The following ERCC2 variants were observed in gnomAD, a reference collection of about 807,000 sequenced individuals.
ERCC2 encodes the protein general transcription and DNA repair factor IIH helicase subunit XPD.
In ERCC2, 90 loss-of-function variants were observed where a neutral mutation model predicts 99.4. That is an observed-to-expected ratio of 0.91 (90% CI 0.76 to 1.08). The LOEUF is 1.08. ERCC2 is among the 50% of genes least tolerant of loss of function. The pLI is 0.00. For synonymous variants in ERCC2, 497 were observed against 432.4 expected, an observed-to-expected ratio of 1.15 and a Z score of -1.85; for missense variants, 993 against 1,038.1, an observed-to-expected ratio of 0.96 and a Z score of 0.60.
Position 45,350,384 on chromosome 19 carries a change from A to C in ERCC2, c.*1245T>G. The C allele has an allele frequency of 6.2e-7, 1 of 1,613,536 alleles. No homozygotes were observed. Among genetic ancestry groups the C allele is most frequent in the South Asian group, 1.1e-5 (1 of 91,050 alleles). On this transcript the variant is annotated 3_prime_UTR_variant, in exon 23 of 23. Coordinates refer to ENST00000391945, the MANE Select transcript of ERCC2 (RefSeq NM_000400.4). ...CAGAACAAGTATCAACAAGCGGAAGAGCTGTACAAAGAAATCCTCCACAAG... is the reference window on the plus strand; with the variant it reads ...CAGAACAAGTATCAACAAGCGGAAGCGCTGTACAAAGAAATCCTCCACAAG...
At position 45,351,380 on chromosome 19, in the gene ERCC2, G is replaced by C. The variant is rs750728345; in HGVS notation, c.*249C>G. On this transcript the variant is annotated 3_prime_UTR_variant, in exon 23 of 23. Transcript: ENST00000391945. ...TAACGTCCAGTGAACTGCGCTGGCC[G>C]CAGCTTCTTGGGAACAGTGCAGGAG... 1.2e-6 allele frequency: 2 copies of C among 1,607,276 alleles called. No individual in the cohort carries two copies. The highest frequency in any genetic ancestry group is 1.7e-6 in the Non-Finnish European group (2 of 1,179,798).
intron 18 of ERCC2, 28 bp from the exon 19 acceptor site, chr19:45,353,183 T>TAGGTCACTCCTCA (rs1555775748): frequency 6.2e-7 from 1 of 1,613,186 alleles, no homozygotes; most frequent in Non-Finnish European, 8.5e-7. Flanking sequence ...AGACGCAAGT[T>TAGGTCACTCCTCA]AGGTCACTCC....
At chr19:45,360,220 A>G (rs1449130367) in intron 12 of ERCC2, among the ~76,000 whole-genome samples, 1 of 150,632 alleles carries the variant, frequency 6.6e-6, no homozygotes, top group African/African-American at 2.5e-5. Flanking sequence ...AGCTGGGACT[A>G]CAGGCGCCCG....
At position 45,350,669 on chromosome 19, in the gene ERCC2, A is replaced by G. The variant is rs560356289; in HGVS notation, c.*960T>C. 1.2e-5 allele frequency: 19 copies of G among 1,613,650 alleles called. No individual in the cohort carries two copies. The highest frequency in any genetic ancestry group is 1.1e-4 in the South Asian group (10 of 91,038). The stretch of plus-strand genomic sequence containing the variant: ...CTTCGCCGCAGCAGCTCACTCTCCA[A>G]GATCCGTGAGTCTATCAGGCGAGGA... On this transcript the variant is annotated 3_prime_UTR_variant, in exon 23 of 23. Transcript: ENST00000391945.
intron 12 of ERCC2, chr19:45,357,979 C>T (rs761012977): frequency 2.1e-4 from 115 of 537,732 alleles, no homozygotes; most frequent in Middle Eastern, 5.0e-4. Context: ...CTCCCAGCAC[C>T]GCATGGGCTG....
chr19:45,352,753 A>G lies in ERCC2; in HGVS notation c.1895T>C (p.Ile632Thr). 1 of 1,613,994 alleles carries G rather than the reference A, an allele frequency of 6.2e-7. No homozygotes were observed. The highest frequency in any genetic ancestry group is 2.2e-5 in the East Asian group (1 of 44,880). ...GGAGACAGAGCTACTCACCTTGAGA[A>G]TGCGGCTCTGTGTGTAGACGTAGGG... ...GVPYVYTQSR[I>T]LKARLEYLRD... Residue 632 changes from isoleucine to threonine, a missense_variant, in exon 20 of 23, where the codon ATT (isoleucine) becomes ACT (threonine). Ile to Thr is a moderately conservative substitution (Grantham distance 89). Around this residue, in one of 3 missense-constraint regions of ERCC2, gnomAD observed 909 missense variants for 930.8 expected, o/e 0.98. Coordinates refer to ENST00000391945, the MANE Select transcript of ERCC2 (RefSeq NM_000400.4).
At chr19:45,363,450 T>G (rs1599742048) in intron 11 of ERCC2, among the ~76,000 whole-genome samples, 1 of 151,898 alleles carries the variant, frequency 6.6e-6, no homozygotes, top group Admixed American at 6.6e-5. Flanking sequence ...CCTTGGCTCC[T>G]CCCCCAGCCC....
At chr19:45,368,073 C>T (rs535864624) in intron 5 of ERCC2, among the ~76,000 whole-genome samples, 4 of 151,950 alleles carry the variant, frequency 2.6e-5, no homozygotes, top group Admixed American at 6.6e-5. Context: ...GGGGTTTCGC[C>T]GTGTTGGCCA....
chr19:45,353,386 G>C (rs1349975451), intron 17 of ERCC2, 52 bp from the exon 18 acceptor site: 1 of 1,269,680 alleles, frequency 7.9e-7, no homozygotes, highest in Admixed American at 1.8e-5. Flanking sequence ...AGCCATCCTG[G>C]TTACATCCAA....
rs746647399 is a variant in ERCC2 at position 45,352,175 on chromosome 19, TGGGAGGGTGCC to T, written c.2190+23_2190+33del. On this transcript the variant is annotated intron_variant, in intron 22 of 22. Coordinates refer to ENST00000391945, the MANE Select transcript of ERCC2 (RefSeq NM_000400.4). ...GACTTTCTGGAGGAGAAGCTCAGCCTGGGAGGGTGCCGGGAGGGGGACGCAGGCCTCACCCG... is the reference window on the plus strand; with the variant it reads ...GACTTTCTGGAGGAGAAGCTCAGCCTGGGAGGGGGACGCAGGCCTCACCCG... 13 of 1,611,096 alleles carry T rather than the reference TGGGAGGGTGCC, an allele frequency of 8.1e-6. No homozygotes were observed. The South Asian group carries it at 1.2e-4, about 15-fold the overall frequency.
chr19:45,365,925 C>T (rs920687403), intron 5 of ERCC2, among the ~76,000 whole-genome samples: 2 of 152,294 alleles, frequency 1.3e-5, no homozygotes, highest in Admixed American at 1.3e-4. Context: ...TCCTTGACCT[C>T]CCAGGCTCAA....
rs1482066064 is a variant in ERCC2, at chr19:45,352,916, A to G, written c.1832-100T>C. The G allele has an allele frequency of 1.3e-5, 17 of 1,264,780 alleles. No individual in the cohort carries two copies. The Admixed American group carries it at 1.8e-4, about 13-fold the overall frequency. 78.3% of individuals were successfully genotyped at this position (1,264,780 alleles called of 1,614,324 possible). On this transcript the variant is annotated intron_variant, in intron 19 of 22. Transcript: ENST00000391945. ...AGGATGCTGTGTCTGAGTTGGGGGG[A>G]GAGGGTGTGTTCCCGCCGGGTGCCT...
Position 45,353,105 on chromosome 19 carries a change from T to C in ERCC2, c.1809A>G (p.Lys603=). 6.2e-7 allele frequency: 1 copy of C among 1,613,340 alleles called. No homozygotes were observed. The highest frequency in any genetic ancestry group is 8.5e-7 in the Non-Finnish European group (1 of 1,179,806). ...CACCAAAGTCGATTCCCTCGGACAC[T>C]TTGCCCCGGGCCACTGACAGCAGGA... is the stretch of plus-strand genomic sequence containing the variant. The part of the protein sequence containing the change: ...GAILLSVARG[K]VSEGIDFVHH... Residue 603 remains lysine, a synonymous_variant, in exon 19 of 23, where the codon AAA becomes AAG. Transcript: ENST00000391945.
At position 45,356,762 on chromosome 19, in the gene ERCC2, C is replaced by T. The variant is rs540183837; in HGVS notation, c.1479+508G>A. Among the ~76,000 whole-genome samples, 10 of 152,248 alleles carry T rather than the reference C, an allele frequency of 6.6e-5. No homozygotes were observed. The South Asian group carries it at 1.9e-3, about 28-fold the overall frequency. Reference sequence around the variant, plus strand: ...GCGGAGGTTGCAGTGAGCTGAGATCCGTGCCACTGCACTCCAGCCTGGGCA... The same window carrying T: ...GCGGAGGTTGCAGTGAGCTGAGATCTGTGCCACTGCACTCCAGCCTGGGCA... On this transcript the variant is annotated intron_variant, in intron 15 of 22. Transcript: ENST00000391945.
chr19:45,352,521 C>G lies in ERCC2; in HGVS notation c.2031G>C (p.Met677Ile), dbSNP rs764389114. Residue 677 changes from methionine (M) to isoleucine (I), a missense_variant, in exon 21 of 23, where the codon ATG (methionine) becomes ATC (isoleucine). Physicochemically the swap from Met to Ile is conservative, Grantham distance 10. Transcript: ENST00000391945. ...GAAGCTGCACCTTGTCGGCAAAGAC[C>G]ATGAGGCCGTAGTCCGTCTTGCCCC... ...AIRGKTDYGL[M>I]VFADKRFARG... is the part of the protein sequence containing the mutation. The G allele has an allele frequency of 6.2e-7, 1 of 1,614,190 alleles. No homozygotes were observed. The highest frequency in any genetic ancestry group is 1.1e-5 in the South Asian group (1 of 91,090).
chr19:45,369,050 G>C lies in ERCC2; in HGVS notation c.183+20C>G, dbSNP rs777392812. On this transcript the variant is annotated intron_variant, in intron 3 of 22. Transcript: ENST00000391945. ...CGCCCCTTCCTTTGTCTGCCTTTAC[G>C]GGTTCAGCGCATCACTCACTCTCTG... 20 of 1,613,774 alleles carry C rather than the reference G, an allele frequency of 1.2e-5. No homozygotes were observed. Among genetic ancestry groups the C allele is most frequent in the South Asian group, 4.4e-5 (4 of 91,082 alleles).
rs1799785 is a variant in ERCC2 at position 45,365,033 on chromosome 19, T to A, written c.477+9A>T. 1.2e-6 allele frequency: 2 copies of A among 1,612,354 alleles called. No homozygotes were observed. Among genetic ancestry groups the A allele is most frequent in the East Asian group, 4.5e-5 (2 of 44,856 alleles). ...CTGCCTCCCTCCCTCAGCCCTGCCC[T>A]CCAGTAACCTCATAGAATCGGCAGT... On this transcript the variant is annotated intron_variant, in intron 6 of 22. Coordinates refer to ENST00000391945, the MANE Select transcript of ERCC2 (RefSeq NM_000400.4).
chr19:45,355,010 T>C (rs1316649418), intron 16 of ERCC2, among the ~76,000 whole-genome samples, 159 bp from the exon 17 acceptor site: 2 of 152,182 alleles, frequency 1.3e-5, no homozygotes, highest in Non-Finnish European at 2.9e-5. Context: ...GGACCCGCCT[T>C]GCCACTTCCT....
chr19:45,353,047 G>C (rs759280559), intron 19 of ERCC2, 36 bp downstream of exon 19: 2 of 1,595,302 alleles, frequency 1.3e-6, no homozygotes, highest in South Asian at 2.2e-5. Context: ...AGAGCTCTGG[G>C]AAGACACCTG....
Sources: allele counts gnomAD v4.1 joint callset (sites outside exome capture counted in the v4.1 genomes callset), GRCh38; gene constraint gnomAD v4.1.1; regional missense constraint gnomAD v4.1.1; transcripts MANE v1.5; gene names NCBI Gene and HGNC (gene_info 2026-07-23, HGNC 2026-07-21).